Variants in ZNF200 observed in about 807,000 individuals in gnomAD.
ZNF200 encodes zinc finger protein 200.
Under a neutral mutation model 33.6 loss-of-function variants are expected in ZNF200, and 35 were observed. The ratio of observed to expected loss-of-function variants is 1.04; its 90% confidence interval spans 0.80 to 1.38. ZNF200 has a LOEUF of 1.38. ZNF200 is among the 40% of genes most tolerant of loss of function. ZNF200 has a pLI of 0.00. For missense variants in ZNF200, 592 were observed against 470.6 expected (o/e 1.26, Z -2.39); for synonymous variants, 209 against 167.7 (o/e 1.25, Z -1.90).
Position 3,222,696 on chromosome 16 carries a change from G to T in ZNF200, c.*1196C>A, listed in dbSNP as rs1021474760. 6.6e-6 allele frequency: 1 copy of T among 152,126 alleles called. No individual in the cohort carries two copies. Among genetic ancestry groups the T allele is most frequent in the Non-Finnish European group, 1.5e-5 (1 of 68,030 alleles). The allele number at this position is 152,126 out of a possible 1,614,324, so 9.4% of individuals were successfully genotyped here. A position where few individuals can be genotyped will look rare whatever the true frequency, so the allele number is the denominator to read the frequency against. ...TTGGAAACCTAAAGCAAGCAAAACTGAAGAATCCCTAAATCGCACCACACG... is the reference window on the plus strand; with the variant it reads ...TTGGAAACCTAAAGCAAGCAAAACTTAAGAATCCCTAAATCGCACCACACG... On this transcript the variant is annotated 3_prime_UTR_variant, in exon 5 of 5. Transcript: ENST00000414144.
At chr16:3,233,862 C>G in intron 1 of ZNF200, 26 bp from the exon 2 acceptor site, 1 of 1,498,046 alleles carries the variant, frequency 6.7e-7, no homozygotes, top group South Asian at 1.4e-5. Context: ...CCAGGGATTA[C>G]CCAAAAGACC....
Position 3,223,974 on chromosome 16 carries a change from C to T in ZNF200, c.1106G>A (p.Cys369Tyr), listed in dbSNP as rs1958397543. 2 of 1,614,074 alleles carry T rather than the reference C, an allele frequency of 1.2e-6. No individual in the cohort carries two copies. The highest frequency in any genetic ancestry group is 1.1e-5 in the South Asian group (1 of 91,090). Residue 369 changes from cysteine to tyrosine, a missense_variant, in exon 5 of 5, where the codon TGT becomes TAT. Cys to Tyr is a radical substitution (Grantham distance 194). Coordinates refer to ENST00000414144, the MANE Select transcript of ZNF200 (RefSeq NM_198088.3). ...TGACAGCCGACCAAATCTTCTCCCACATTTTTTGCAACCATATGGTCTCTC... is the reference window on the plus strand; with the variant it reads ...TGACAGCCGACCAAATCTTCTCCCATATTTTTTGCAACCATATGGTCTCTC... ...EAERPYGCKKCGRRFGRLSNC... is the reference protein window; with the variant it reads ...EAERPYGCKKYGRRFGRLSNC...
rs969265101 is a variant in ZNF200 at position 3,233,391 on chromosome 16, G to C, written c.250+115C>G. ...ACTTCCTCTTTCCAACACTAGAATT[G>C]ACTCCTTTTCCAATATACACCATCC... On this transcript the variant is annotated intron_variant, in intron 2 of 4. Transcript: ENST00000414144. The C allele has an allele frequency of 2.2e-5, 30 of 1,376,694 alleles. No individual in the cohort carries two copies. The East Asian group carries it at 7.3e-4, about 33-fold the overall frequency. 85.3% of individuals were successfully genotyped at this position (1,376,694 alleles called of 1,614,324 possible).
In ZNF200 at chr16:3,233,487, A is replaced by G; in HGVS notation, c.250+19T>C. 1 of 1,504,398 alleles carries G rather than the reference A, an allele frequency of 6.6e-7. No individual in the cohort carries two copies. The highest frequency in any genetic ancestry group is 8.9e-7 in the Non-Finnish European group (1 of 1,128,182). 93.2% of individuals were successfully genotyped at this position (1,504,398 alleles called of 1,614,324 possible). A position where few individuals can be genotyped will look rare whatever the true frequency, so the allele number is the denominator to read the frequency against. On this transcript the variant is annotated intron_variant, in intron 2 of 4. Transcript: ENST00000414144. ...TACCTCCTCCTCCTCTTCTAGTGAA[A>G]CAAGCATGTGCTTCTCACCTCTGTT...
chr16:3,228,229 T>C (rs1484792504), intron 4 of ZNF200, among the ~76,000 whole-genome samples: 2 of 152,212 alleles, frequency 1.3e-5, no homozygotes, highest in African/African-American at 2.4e-5. Flanking sequence ...ATGATTTCTG[T>C]TTATTCACTT....
At chr16:3,229,538 C>T (rs1268352414) in intron 4 of ZNF200, among the ~76,000 whole-genome samples, 1 of 152,096 alleles carries the variant, frequency 6.6e-6, no homozygotes, top group Admixed American at 6.6e-5. Context: ...CAGCCTCAGA[C>T]AGTTCCACAG....
At chr16:3,232,970 A>G (rs1489816018) in intron 2 of ZNF200, 49 bp from the exon 3 acceptor site, 4 of 1,541,608 alleles carry the variant, frequency 2.6e-6, no homozygotes, top group Admixed American at 1.7e-5. Context: ...TGACTCTAAC[A>G]CAGAGACTCC....
rs769423683 is a variant in ZNF200, at chr16:3,233,581, G to A, written c.175C>T (p.Leu59=). The A allele has an allele frequency of 3.7e-6, 6 of 1,612,554 alleles. No individual in the cohort carries two copies. The highest frequency in any genetic ancestry group is 2.7e-5 in the African/African-American group (2 of 74,904). Residue 59 remains leucine, a synonymous_variant, in exon 2 of 5, where the codon CTG becomes TTG. Transcript: ENST00000414144. ...HFLTFLPKPS[L]VQPSQKVKET... ...TTGACTTTCTGACTGGGCTGGACCA[G>A]GCTTGGCTTGGGCAAGAAGGTGAGG...
In ZNF200 at chr16:3,232,854, CAG is replaced by C. The variant is rs1184454174; in HGVS notation, c.316_317del (p.Leu106ValfsTer5). The C allele has an allele frequency of 1.2e-6, 2 of 1,613,850 alleles. No individual in the cohort carries two copies. Among genetic ancestry groups the C allele is most frequent in the Non-Finnish European group, 1.7e-6 (2 of 1,179,828 alleles). On this transcript the variant is annotated frameshift_variant, in exon 3 of 5. Transcript: ENST00000414144. LOFTEE classifies it high-confidence loss of function. Reference protein sequence around the residue: ...GVQKEQETVSLYLKANPEELV... With the variant: ...GVQKEQETVSXYLKANPEELV... The stretch of plus-strand genomic sequence containing the variant: ...CCACCTCAGGGTTAGCTTTCAAATA[CAG>C]AGACACTGTCTCTTGTTCCTTTTGG...
intron 4 of ZNF200, among the ~76,000 whole-genome samples, chr16:3,231,130 C>T (rs1222147757): frequency 6.6e-6 from 1 of 152,098 alleles, no homozygotes; most frequent in Non-Finnish European, 1.5e-5. Flanking sequence ...AAGTGGGGAA[C>T]AGAGGGTGAG....
rs1596334290 is a variant in ZNF200, at chr16:3,225,643, G to C, written c.467-1030C>G. 2.0e-5 allele frequency: 3 copies of C among 152,094 alleles called. No homozygotes were observed. The South Asian group carries it at 6.2e-4, about 32-fold the overall frequency. 9.4% of individuals were successfully genotyped at this position (152,094 alleles called of 1,614,324 possible). A position where few individuals can be genotyped will look rare whatever the true frequency, so the allele number is the denominator to read the frequency against. On this transcript the variant is annotated intron_variant, in intron 4 of 4. Coordinates refer to ENST00000414144, the MANE Select transcript of ZNF200 (RefSeq NM_198088.3). Reference sequence around the variant, plus strand: ...GTGTGTACATTTTGTGAAAACTTGAGCTATATATTTACAATTGGTAGGCTT... The same window carrying C: ...GTGTGTACATTTTGTGAAAACTTGACCTATATATTTACAATTGGTAGGCTT...
intron 3 of ZNF200, 98 bp downstream of exon 3, chr16:3,232,735 C>A: frequency 6.9e-7 from 1 of 1,448,812 alleles, no homozygotes; most frequent in Non-Finnish European, 9.5e-7. Flanking sequence ...AAGAAAAACA[C>A]CCAAGAAGGC....
chr16:3,233,366 A>G (rs1220023189), intron 2 of ZNF200, 140 bp downstream of exon 2: 1 of 1,216,348 alleles, frequency 8.2e-7, no homozygotes, highest in Non-Finnish European at 1.1e-6. Context: ...CTTGAGAAGA[A>G]CTTCCTCTTT....
In ZNF200 at chr16:3,233,837, C is replaced by T. The variant is rs1958715829; in HGVS notation, c.-81-1G>A. On this transcript the variant is annotated splice_acceptor_variant, in intron 1 of 4. Transcript: ENST00000414144. LOFTEE classifies it low-confidence loss of function (5UTR_SPLICE). Reference sequence around the variant, plus strand: ...AGAGGAAATCTGCCAGAGAGCCAAGCTGTAGACAGAGAAACCAGGGATTAC... The same window carrying T: ...AGAGGAAATCTGCCAGAGAGCCAAGTTGTAGACAGAGAAACCAGGGATTAC... The T allele has an allele frequency of 6.6e-7, 1 of 1,517,036 alleles. No individual in the cohort carries two copies. Among genetic ancestry groups the T allele is most frequent in the Admixed American group, 2.2e-5 (1 of 45,698 alleles). 94.0% of individuals were successfully genotyped at this position (1,517,036 alleles called of 1,614,324 possible).
chr16:3,231,509 A>G (rs1958634598), intron 4 of ZNF200, among the ~76,000 whole-genome samples: 1 of 152,226 alleles, frequency 6.6e-6, no homozygotes, highest in South Asian at 2.1e-4. Context: ...GGCACTCAGT[A>G]AAGACATTTG....
At position 3,223,638 on chromosome 16, in the gene ZNF200, T is replaced by C. The variant is rs779227622; in HGVS notation, c.*254A>G. The C allele has an allele frequency of 3.9e-5, 17 of 437,390 alleles. No homozygotes were observed. The East Asian group carries it at 6.0e-4, about 15-fold the overall frequency. 27.1% of individuals were successfully genotyped at this position (437,390 alleles called of 1,614,324 possible). The stretch of plus-strand genomic sequence containing the variant: ...GAAAGGGGATCTGTGACCTGTACAT[T>C]ATCATATAACTTCAAAAAGGAAAGC... On this transcript the variant is annotated 3_prime_UTR_variant, in exon 5 of 5. Coordinates refer to ENST00000414144, the MANE Select transcript of ZNF200 (RefSeq NM_198088.3).
At position 3,223,662 on chromosome 16, in the gene ZNF200, G is replaced by A. The variant is rs549904563; in HGVS notation, c.*230C>T. On this transcript the variant is annotated 3_prime_UTR_variant, in exon 5 of 5. Transcript: ENST00000414144. ...TTATCATATAACTTCAAAAAGGAAAGCTCCTTAGTCCAAAAAGCCTAGATG... is the reference window on the plus strand; with the variant it reads ...TTATCATATAACTTCAAAAAGGAAAACTCCTTAGTCCAAAAAGCCTAGATG... 1.6e-5 allele frequency: 8 copies of A among 513,234 alleles called. No individual in the cohort carries two copies. In the South Asian group the frequency reaches 2.1e-4, roughly 13 times the overall value. 31.8% of individuals were successfully genotyped at this position (513,234 alleles called of 1,614,324 possible).
At chr16:3,224,766 G>A (rs1242476065) in intron 4 of ZNF200, 153 bp from the exon 5 acceptor site, 3 of 902,052 alleles carry the variant, frequency 3.3e-6, no homozygotes, top group Non-Finnish European at 4.9e-6. Context: ...ACTTATTGAG[G>A]GTGGGATACA....
chr16:3,232,320 T>C (rs112897702), intron 4 of ZNF200, 101 bp downstream of exon 4: 31 of 1,330,560 alleles, frequency 2.3e-5, no homozygotes, highest in Non-Finnish European at 2.5e-5. Flanking sequence ...TGTGTGCACA[T>C]AGGCTTACCA....
Sources: allele counts gnomAD v4.1 joint callset (sites outside exome capture counted in the v4.1 genomes callset), GRCh38; gene constraint gnomAD v4.1.1; transcripts MANE v1.5; gene names NCBI Gene and HGNC (gene_info 2026-07-23, HGNC 2026-07-21).